SNURF: variants seen among roughly 807,000 people sequenced by gnomAD.
The protein encoded by SNURF is SNRPN upstream open reading frame, also known as SNURF protein.
In SNURF, 6 loss-of-function variants were observed where a neutral mutation model predicts 11.6. The observed-to-expected ratio is 0.52, with a 90% CI of 0.28 to 1.02. The LOEUF is 1.02. SNURF is among the 50% of genes least tolerant of loss of function. SNURF has a pLI of 0.09. For synonymous variants in SNURF, 29 were observed against 31.6 expected (o/e 0.92, Z 0.27); for missense variants, 84 against 88.4 (o/e 0.95, Z 0.20).
downstream of SNURF, chr15:24,978,093 CATT>C (rs549704572): frequency 1.0e-3 from 1,367 of 1,315,588 alleles, 8 homozygotes; most frequent in African/African-American, 0.017. Context: ...TTGACTCTAT[CATT>C]GTTGTCTGGC....
chr15:24,968,187 T>C, exon 3 of SNURF: 1 of 726,366 alleles, frequency 1.4e-6, no homozygotes. Flanking sequence ...TCCTTAGAGC[T>C]TCATACAATA....
downstream of SNURF, chr15:24,978,593 G>C: frequency 1.3e-6 from 1 of 763,290 alleles, no homozygotes; most frequent in Non-Finnish European, 2.2e-6. Context: ...AGGTACTGTT[G>C]TATATATTTT....
At chr15:24,974,434 G>A in intron 3 of SNURF, 1 of 1,613,322 alleles carries the variant, frequency 6.2e-7, no homozygotes, top group Non-Finnish European at 8.5e-7. Context: ...GTGGACATTG[G>A]ATTTGGTGGA....
intron 1 of SNURF, among the ~76,000 whole-genome samples, chr15:24,956,329 G>A (rs2062868748): frequency 6.9e-6 from 1 of 144,312 alleles, no homozygotes; most frequent in East Asian, 2.2e-4. Flanking sequence ...CGCTGCAGCG[G>A]CTTAGATCTG....
exon 3 of SNURF, chr15:24,968,259 T>A: frequency 2.0e-6 from 1 of 511,590 alleles, no homozygotes; most frequent in South Asian, 2.2e-5. Context: ...CCTGACACTT[T>A]CGTCATGTTT....
downstream of SNURF, among the ~76,000 whole-genome samples, chr15:24,969,334 C>T: frequency 6.6e-6 from 1 of 152,050 alleles, no homozygotes; most frequent in East Asian, 1.9e-4. Flanking sequence ...TCACCATGTT[C>T]TCCAGGCTGG....
intron 1 of SNURF, among the ~76,000 whole-genome samples, chr15:24,958,503 T>G (rs1179063078): frequency 2.2e-5 from 3 of 135,754 alleles, no homozygotes; most frequent in African/African-American, 8.6e-5. Context: ...TTTTTTTTTT[T>G]TTTTTTTTTT....
chr15:24,958,321 G>T (rs957151871), intron 1 of SNURF, among the ~76,000 whole-genome samples: 1 of 150,920 alleles, frequency 6.6e-6, no homozygotes, highest in East Asian at 1.9e-4. Flanking sequence ...TGTGAGTACT[G>T]CCCTCAATTA....
At chr15:24,974,354 C>G (rs1450875226) in intron 3 of SNURF, 10 of 1,112,376 alleles carry the variant, frequency 9.0e-6, no homozygotes. Flanking sequence ...TGCATTGTTT[C>G]TAGGAGAACC....
exon 3 of SNURF, chr15:24,968,201 A>T (rs2075929136): frequency 4.6e-6 from 3 of 655,912 alleles, no homozygotes; most frequent in Non-Finnish European, 8.0e-6. Context: ...TACAATAAAC[A>T]CATTGCAGAA....
At chr15:24,974,404 A>G in intron 3 of SNURF, 3 of 1,598,140 alleles carry the variant, frequency 1.9e-6, no homozygotes, top group African/African-American at 2.7e-5. Context: ...CTAGGTCTTC[A>G]GAAGCATCAA....
intron 1 of SNURF, among the ~76,000 whole-genome samples, chr15:24,955,615 T>G (rs1247804546): frequency 7.5e-6 from 1 of 132,884 alleles, no homozygotes; most frequent in African/African-American, 2.9e-5. Context: ...GGGGGGGAAT[T>G]CGTCGCAGTG....
chr15:24,968,527 A>C (rs925256256), downstream of SNURF: 5 of 155,416 alleles, frequency 3.2e-5, no homozygotes, highest in Non-Finnish European at 7.1e-5. Flanking sequence ...ATATGAACTT[A>C]AGGTACATTT....
In SNURF at chr15:24,977,834, C is replaced by T. The variant is rs2077238452; in HGVS notation, c.*519C>T. 1.9e-6 allele frequency: 3 copies of T among 1,613,200 alleles called. No homozygotes were observed. The South Asian group carries it at 3.3e-5, about 18-fold the overall frequency. On this transcript the variant is annotated 3_prime_UTR_variant and NMD_transcript_variant, in exon 7 of 7. Coordinates refer to the SNURF transcript ENST00000580062. Reference sequence around the variant, plus strand: ...CAGCTGCTGCTGTTGCTGCGACTGCCAGTATTGCTGGAGCCCCAACACAGT... The same window carrying T: ...CAGCTGCTGCTGTTGCTGCGACTGCTAGTATTGCTGGAGCCCCAACACAGT...
chr15:24,973,761 C>CTA (rs141531099), downstream of SNURF, among the ~76,000 whole-genome samples: 16 of 151,652 alleles, frequency 1.1e-4, no homozygotes, highest in Middle Eastern at 6.8e-3. Flanking sequence ...TTATGTGAGT[C>CTA]TATATATATA....
intron 2 of SNURF, 67 bp downstream of exon 2, chr15:24,962,276 A>G (rs895187699): frequency 2.7e-5 from 34 of 1,250,842 alleles, no homozygotes; most frequent in Non-Finnish European, 4.0e-5. Flanking sequence ...ACAAAATATC[A>G]TGCAATGAGG....
intron 1 of SNURF, among the ~76,000 whole-genome samples, chr15:24,961,205 T>C (rs1240218403): frequency 6.6e-6 from 1 of 152,200 alleles, no homozygotes; most frequent in East Asian, 1.9e-4. Context: ...AAATCAAATA[T>C]GTGTGTATGG....
At chr15:24,963,499 C>A (rs539845602) in intron 2 of SNURF, among the ~76,000 whole-genome samples, 7 of 151,936 alleles carry the variant, frequency 4.6e-5, no homozygotes, top group African/African-American at 1.7e-4. Context: ...CCTGTAATCC[C>A]AGCTACTTGG....
intron 2 of SNURF, among the ~76,000 whole-genome samples, chr15:24,963,444 G>A (rs543838982): frequency 6.1e-4 from 92 of 151,528 alleles, no homozygotes; most frequent in Non-Finnish European, 1.2e-3. Flanking sequence ...GTGAAACCCC[G>A]TCTCTCCTAA....
Sources: allele counts gnomAD v4.1 joint callset (sites outside exome capture counted in the v4.1 genomes callset), GRCh38; gene constraint gnomAD v4.1.1; transcripts MANE v1.5; gene names NCBI Gene and HGNC (gene_info 2026-07-23, HGNC 2026-07-21).